ABCA13: variants seen among roughly 807,000 people sequenced by gnomAD.
ABCA13 encodes ATP binding cassette subfamily A member 13.
A neutral mutation model predicts 478.7 loss-of-function variants in ABCA13; 476 were observed. The observed-to-expected ratio is 0.99, with a 90% CI of 0.92 to 1.07. The LOEUF (loss-of-function observed/expected upper bound fraction) is 1.07, where lower values mean the gene tolerates loss of function less well. ABCA13 is among the 50% of genes least tolerant of loss of function. The pLI, the probability that ABCA13 is intolerant of heterozygous loss-of-function variation, is 0.00. For synonymous variants in ABCA13, 2,252 were observed against 2,158.9 expected (o/e 1.04, Z -1.20); for missense variants, 6,060 against 5,910.6 (o/e 1.03, Z -0.83).
At chr7:48,415,157 A>C (rs1819805124) in intron 41 of ABCA13, among the ~76,000 whole-genome samples, 1 of 152,164 alleles carries the variant, frequency 6.6e-6, no homozygotes, top group African/African-American at 2.4e-5. Context: ...TATCTTCTTA[A>C]ATGTGAATAA....
intron 27 of ABCA13, among the ~76,000 whole-genome samples, chr7:48,327,298 ATCAGATTTCGTAAGAACTTAC>A (rs931656020): frequency 1.3e-5 from 2 of 152,216 alleles, no homozygotes; most frequent in Non-Finnish European, 1.5e-5. Flanking sequence ...TTATAAAACC[ATCAGATTTCGTAAGAACTTAC>A]TCACTATCAC....
At chr7:48,346,480 G>A (rs1202264675) in intron 29 of ABCA13, among the ~76,000 whole-genome samples, 8 of 150,982 alleles carry the variant, frequency 5.3e-5, no homozygotes, top group Admixed American at 1.3e-4. Flanking sequence ...GCCCTACACC[G>A]AGAAATTTAA....
chr7:48,632,035 G>T (rs1157106474), intron 59 of ABCA13, among the ~76,000 whole-genome samples: 2 of 152,172 alleles, frequency 1.3e-5, no homozygotes, highest in African/African-American at 4.8e-5. Flanking sequence ...AGACTTTACT[G>T]AATTCATTTA....
At chr7:48,451,695 T>C (rs1367037832) in intron 42 of ABCA13, among the ~76,000 whole-genome samples, 3 of 152,224 alleles carry the variant, frequency 2.0e-5, no homozygotes, top group Non-Finnish European at 4.4e-5. Flanking sequence ...TATTATAAAA[T>C]CTTCAAGAAC....
rs148596604 is a variant in ABCA13, at chr7:48,226,430, C to T, written c.469-832C>T. Among the ~76,000 whole-genome samples, 433 of 152,224 alleles carry T rather than the reference C, an allele frequency of 2.8e-3. 3 individuals carry two copies. The highest frequency in any genetic ancestry group is 0.014 in the Middle Eastern group (4 of 294). ...GGTGTGAGGAAGAGGGAGTGTGTCT[C>T]GTTTGGAGTAGTTGGACCTCTGGAG... On this transcript the variant is annotated intron_variant, in intron 5 of 61. Transcript: ENST00000435803.
chr7:48,548,384 G>A (rs1785007854), intron 55 of ABCA13, among the ~76,000 whole-genome samples: 1 of 151,788 alleles, frequency 6.6e-6, no homozygotes, highest in Non-Finnish European at 1.5e-5. Flanking sequence ...GGAAGGAATT[G>A]CTTTCTTTCT....
rs1278355855 is a variant in ABCA13, at chr7:48,633,931, C to CATAGATAGATACATAGATAG, written c.14838-9346_14838-9345insCATAGATAGATAGATAGATA. ...AGATAGATACATAGATAGATAGATA[C>CATAGATAGATACATAGATAG]ATAGATAGATAGATAGATAGATAGA... On this transcript the variant is annotated intron_variant, in intron 59 of 61. Transcript: ENST00000435803. 1.9e-3 allele frequency among the ~76,000 whole-genome samples: 269 copies of CATAGATAGATACATAGATAG among 145,000 alleles called. 1 individual carries two copies. The highest frequency in any genetic ancestry group is 1.7e-3 in the Non-Finnish European group (112 of 66,046).
intron 24 of ABCA13, among the ~76,000 whole-genome samples, chr7:48,312,626 G>A (rs909991885): frequency 2.0e-5 from 3 of 152,096 alleles, no homozygotes; most frequent in East Asian, 1.9e-4. Context: ...TCCACAAAAC[G>A]AACAGTATAA....
At chr7:48,506,201 C>T in intron 48 of ABCA13, 135 bp from the exon 49 acceptor site, 2 of 852,428 alleles carry the variant, frequency 2.3e-6, no homozygotes, top group African/African-American at 3.5e-5. Context: ...TTTTTTTCTG[C>T]TAATTGACCA....
At chr7:48,340,126 A>G (rs929605057) in intron 29 of ABCA13, among the ~76,000 whole-genome samples, 8 of 151,700 alleles carry the variant, frequency 5.3e-5, no homozygotes, top group African/African-American at 1.9e-4. Context: ...TTTTTTTTAG[A>G]CAAGAGTTTT....
chr7:48,555,466 T>C (rs150504944), intron 55 of ABCA13, among the ~76,000 whole-genome samples: 62 of 151,978 alleles, frequency 4.1e-4, no homozygotes, highest in African/African-American at 1.5e-3. Flanking sequence ...CCAGGCTTTA[T>C]TTTTTGCTGG....
intron 51 of ABCA13, among the ~76,000 whole-genome samples, chr7:48,513,683 A>G (rs1245301463): frequency 2.0e-5 from 3 of 152,220 alleles, no homozygotes; most frequent in Admixed American, 6.5e-5. Flanking sequence ...AATCATTAAA[A>G]TGATATTATA....
chr7:48,392,986 G>T (rs1816293391), intron 38 of ABCA13, among the ~76,000 whole-genome samples: 1 of 152,194 alleles, frequency 6.6e-6, no homozygotes, highest in African/African-American at 2.4e-5. Context: ...ATCTAGAGTT[G>T]AGAATATGTG....
chr7:48,589,807 A>T (rs1789543998), intron 57 of ABCA13, among the ~76,000 whole-genome samples: 2 of 152,094 alleles, frequency 1.3e-5, no homozygotes, highest in Admixed American at 1.3e-4. Flanking sequence ...TCCAGAGGGG[A>T]GGAATAGGTG....
At chr7:48,411,740 T>C (rs1456723249) in intron 40 of ABCA13, among the ~76,000 whole-genome samples, 1 of 152,140 alleles carries the variant, frequency 6.6e-6, no homozygotes, top group East Asian at 1.9e-4. Flanking sequence ...TCTGTAGTCA[T>C]CATTGCCTGT....
intron 38 of ABCA13, 48 bp from the exon 39 acceptor site, chr7:48,403,635 A>C: frequency 1.3e-6 from 2 of 1,566,518 alleles, no homozygotes; most frequent in Admixed American, 3.6e-5. Flanking sequence ...TTAGAAGCAA[A>C]GTTTTAAGGT....
At chr7:48,198,418 G>T in intron 3 of ABCA13, 58 bp downstream of exon 3, 2 of 1,584,754 alleles carry the variant, frequency 1.3e-6, no homozygotes, top group East Asian at 2.2e-5. Flanking sequence ...CATAGAACAG[G>T]CTTCTGCTTT....
At chr7:48,347,225 A>G (rs1288880130) in intron 29 of ABCA13, among the ~76,000 whole-genome samples, 1 of 152,216 alleles carries the variant, frequency 6.6e-6, no homozygotes, top group Non-Finnish European at 1.5e-5. Flanking sequence ...CAAAGGAATC[A>G]CTTTTGCAGC....
intron 29 of ABCA13, among the ~76,000 whole-genome samples, chr7:48,345,059 G>T (rs1584942351): frequency 6.6e-6 from 1 of 152,196 alleles, no homozygotes; most frequent in East Asian, 1.9e-4. Flanking sequence ...GTTCCTATAA[G>T]GTCATAATGA....
Sources: gnomAD v4.1 joint callset for allele counts (sites outside exome capture counted in the v4.1 genomes callset) on GRCh38, gnomAD v4.1.1 for gene constraint, MANE v1.5 for transcripts, NCBI Gene and HGNC (gene_info 2026-07-23, HGNC 2026-07-21) for gene names.